The following IGF2BP2 variants were observed in gnomAD, a reference collection of about 807,000 sequenced individuals.
IGF2BP2 encodes the protein insulin like growth factor 2 mRNA binding protein 2.
Under a neutral mutation model 75.8 loss-of-function variants are expected in IGF2BP2, and 17 were observed. The observed-to-expected ratio is 0.22, with a 90% CI of 0.15 to 0.34. The LOEUF (loss-of-function observed/expected upper bound fraction) is 0.34, where lower values mean the gene tolerates loss of function less well. Among genes scored for constraint, IGF2BP2 ranks in the 10% least tolerant of loss-of-function variants. IGF2BP2 has a pLI of 1.00. For synonymous variants in IGF2BP2, 288 were observed against 295.6 expected, an observed-to-expected ratio of 0.97 and a Z score of 0.26; for missense variants, 516 against 772.4, an observed-to-expected ratio of 0.67 and a Z score of 3.93.
At chr3:185,646,889 A>C (rs1396722110) in intron 15 of IGF2BP2, 136 bp downstream of exon 15, 1 of 671,844 alleles carries the variant, frequency 1.5e-6, no homozygotes, top group Non-Finnish European at 2.7e-6. Flanking sequence ...CTAAAGAGCC[A>C]GGAAGAACCA....
chr3:185,722,838 C>T (rs1450297065), intron 2 of IGF2BP2, among the ~76,000 whole-genome samples: 1 of 152,134 alleles, frequency 6.6e-6, no homozygotes, highest in East Asian at 1.9e-4. Context: ...TATATATGTG[C>T]TATAAACATA....
At chr3:185,726,476 GTA>G (rs1727345904) in intron 2 of IGF2BP2, among the ~76,000 whole-genome samples, 1 of 152,298 alleles carries the variant, frequency 6.6e-6, no homozygotes, top group African/African-American at 2.4e-5. Context: ...ATTCCTAAAG[GTA>G]TAAAGTGGGC....
In IGF2BP2 at chr3:185,685,074, G is replaced by A. The variant is rs545012306; in HGVS notation, c.812+1983C>T. On this transcript the variant is annotated intron_variant, in intron 7 of 15. Coordinates refer to ENST00000382199, the MANE Select transcript of IGF2BP2 (RefSeq NM_006548.6). Reference sequence around the variant, plus strand: ...GAAGAATCAAGGAAGGTGGCTGGGCGCAGTGGCTCACACCTGTAATCCCAG... The same window carrying A: ...GAAGAATCAAGGAAGGTGGCTGGGCACAGTGGCTCACACCTGTAATCCCAG... Among the ~76,000 whole-genome samples, 9 of 152,266 alleles carry A rather than the reference G, an allele frequency of 5.9e-5. No individual in the cohort carries two copies. The South Asian group carries it at 8.3e-4, about 14-fold the overall frequency.
At chr3:185,658,905 ATCAGAGAAT>A (rs775414114) in intron 10 of IGF2BP2, among the ~76,000 whole-genome samples, 1 of 152,230 alleles carries the variant, frequency 6.6e-6, no homozygotes, top group South Asian at 2.1e-4. Context: ...AGTCAGCTCC[ATCAGAGAAT>A]TCTAGAAGGA....
In IGF2BP2 at chr3:185,825,001, A is replaced by T. The variant is rs1002277970; in HGVS notation, c.-41T>A. 5.6e-6 allele frequency: 8 copies of T among 1,425,854 alleles called. No individual in the cohort carries two copies. In the African/African-American group the frequency reaches 1.2e-4, roughly 21 times the overall value. 88.3% of individuals were successfully genotyped at this position (1,425,854 alleles called of 1,614,324 possible). The stretch of plus-strand genomic sequence containing the variant: ...GAGCCCGCGGCTCCCCCGGCCCGGT[A>T]CCCGGCGCTCCTCGCCTCCTCCGCT... On this transcript the variant is annotated 5_prime_UTR_variant, in exon 1 of 16. Coordinates refer to ENST00000382199, the MANE Select transcript of IGF2BP2 (RefSeq NM_006548.6).
intron 2 of IGF2BP2, among the ~76,000 whole-genome samples, chr3:185,812,924 C>A (rs566286726): frequency 6.6e-6 from 1 of 152,196 alleles, no homozygotes; most frequent in Admixed American, 6.5e-5. Flanking sequence ...TGACCACAAT[C>A]GATACTTGTG....
At chr3:185,728,597 A>C (rs1240915142) in intron 2 of IGF2BP2, 1 of 152,206 alleles carries the variant, frequency 6.6e-6, no homozygotes, top group Admixed American at 6.5e-5. Flanking sequence ...TGAGTCTTAT[A>C]ATTTTCAAAA....
chr3:185,676,041 G>A (rs1719296920), intron 7 of IGF2BP2, 128 bp from the exon 8 acceptor site: 2 of 1,248,898 alleles, frequency 1.6e-6, no homozygotes, highest in East Asian at 4.9e-5. Flanking sequence ...GATGGGATTT[G>A]GGAGAGGTCA....
chr3:185,665,344 A>AAGGAGGAGGAGGAGAAGGAGGAGGAGG (rs1717239307), intron 10 of IGF2BP2, among the ~76,000 whole-genome samples: 1 of 43,220 alleles, frequency 2.3e-5, no homozygotes, highest in African/African-American at 1.1e-4. Flanking sequence ...GGAGGAGGAG[A>AAGGAGGAGGAGGAGAAGGAGGAGGAGG]AGGAGGAGGA....
intron 2 of IGF2BP2, among the ~76,000 whole-genome samples, chr3:185,732,672 T>C (rs906955538): frequency 2.6e-5 from 4 of 152,200 alleles, no homozygotes; most frequent in Non-Finnish European, 4.4e-5. Context: ...AGCAACCAGG[T>C]TGGAAAGAGA....
At chr3:185,666,025 G>T (rs1427906002) in intron 10 of IGF2BP2, among the ~76,000 whole-genome samples, 1 of 151,652 alleles carries the variant, frequency 6.6e-6, no homozygotes, top group South Asian at 2.2e-4. Flanking sequence ...TAGATAGATA[G>T]ATAGATAGAT....
At chr3:185,693,709 T>C (rs1722235314) in intron 4 of IGF2BP2, among the ~76,000 whole-genome samples, 1 of 152,196 alleles carries the variant, frequency 6.6e-6, no homozygotes, top group African/African-American at 2.4e-5. Context: ...ACCAAAAATA[T>C]ATGTTTCCCA....
At chr3:185,683,174 A>C (rs1405146770) in intron 7 of IGF2BP2, among the ~76,000 whole-genome samples, 2 of 152,224 alleles carry the variant, frequency 1.3e-5, no homozygotes, top group African/African-American at 4.8e-5. Context: ...ATGCAAAGTA[A>C]AATAAGCCAG....
At chr3:185,807,272 G>GA (rs528082443) in intron 2 of IGF2BP2, among the ~76,000 whole-genome samples, 4 of 151,884 alleles carry the variant, frequency 2.6e-5, no homozygotes, top group South Asian at 2.1e-4. Flanking sequence ...TGAAGAAAAA[G>GA]AAAAAAAACC....
At chr3:185,801,899 G>A (rs976247422) in intron 2 of IGF2BP2, among the ~76,000 whole-genome samples, 11 of 151,874 alleles carry the variant, frequency 7.2e-5, no homozygotes, top group African/African-American at 2.2e-4. Flanking sequence ...CATCATTCTC[G>A]GCAAACTAAC....
intron 10 of IGF2BP2, among the ~76,000 whole-genome samples, chr3:185,662,974 C>G (rs1052001095): frequency 1.3e-5 from 2 of 152,174 alleles, no homozygotes; most frequent in African/African-American, 2.4e-5. Context: ...GCCACCACAC[C>G]CAGCCCCATT....
chr3:185,650,277 T>TA (rs1367466540), intron 13 of IGF2BP2, among the ~76,000 whole-genome samples: 1 of 141,348 alleles, frequency 7.1e-6, no homozygotes, highest in East Asian at 2.0e-4. Flanking sequence ...CCTATCTTTC[T>TA]TTTTTTTTTT....
intron 2 of IGF2BP2, chr3:185,821,199 A>C: frequency 7.4e-7 from 1 of 1,347,504 alleles, no homozygotes; most frequent in Non-Finnish European, 9.7e-7. Context: ...AAAACCATCC[A>C]ATCAGAAATG....
chr3:185,807,192 G>C (rs1250683779), intron 2 of IGF2BP2, among the ~76,000 whole-genome samples: 1 of 152,092 alleles, frequency 6.6e-6, no homozygotes, highest in Non-Finnish European at 1.5e-5. Context: ...AGATAATACA[G>C]AAAGGGAACA....
Sources: gnomAD v4.1 joint callset for allele counts (sites outside exome capture counted in the v4.1 genomes callset) on GRCh38, gnomAD v4.1.1 for gene constraint, MANE v1.5 for transcripts, NCBI Gene and HGNC (gene_info 2026-07-23, HGNC 2026-07-21) for gene names.